GSE1: variants seen among roughly 807,000 people sequenced by gnomAD.
The protein encoded by GSE1 is genetic suppressor element 1.
A neutral mutation model predicts 112.6 loss-of-function variants in GSE1; 32 were observed. The observed-to-expected ratio is 0.28, with a 90% CI of 0.21 to 0.38. The LOEUF is 0.38. Ranked by LOEUF, GSE1 falls within the 10% of genes least tolerant of loss-of-function variation. GSE1 has a pLI of 1.00. For synonymous variants in GSE1, 1,115 were observed against 735.6 expected, an observed-to-expected ratio of 1.52 and a Z score of -8.35; for missense variants, 2,348 against 1,699.2, an observed-to-expected ratio of 1.38 and a Z score of -6.71.
chr16:85,367,077 C>A (rs910563092), intron 2 of GSE1, among the ~76,000 whole-genome samples: 1 of 152,236 alleles, frequency 6.6e-6, no homozygotes, highest in African/African-American at 2.4e-5. Flanking sequence ...CTCTGCTCAC[C>A]CACTGTTCTT....
chr16:85,336,227 G>A (rs768868889), intron 1 of GSE1, among the ~76,000 whole-genome samples: 9 of 152,254 alleles, frequency 5.9e-5, no homozygotes, highest in South Asian at 4.1e-4. Flanking sequence ...CCTGACATGC[G>A]CCACTCCAGC....
At chr16:85,177,017 T>C (rs2074481229) in intron 1 of GSE1, among the ~76,000 whole-genome samples, 1 of 152,196 alleles carries the variant, frequency 6.6e-6, no homozygotes, top group Non-Finnish European at 1.5e-5. Flanking sequence ...TGGCACCCTC[T>C]CCTTGGCAGC....
intron 2 of GSE1, among the ~76,000 whole-genome samples, chr16:85,503,364 C>G (rs1370737939): frequency 6.6e-6 from 1 of 152,214 alleles, no homozygotes; most frequent in African/African-American, 2.4e-5. Flanking sequence ...AACTCCCCAG[C>G]CTCCACCTGC....
At chr16:85,662,621 G>A (rs991775277) in intron 9 of GSE1, 3 of 219,384 alleles carry the variant, frequency 1.4e-5, no homozygotes, top group African/African-American at 2.3e-5. Flanking sequence ...GGACTCAGAT[G>A]GCCACAGCAT....
intron 2 of GSE1, among the ~76,000 whole-genome samples, chr16:85,389,425 A>T (rs905582122): frequency 7.2e-6 from 1 of 139,516 alleles, no homozygotes; most frequent in Non-Finnish European, 1.5e-5. Flanking sequence ...GCACCACTGC[A>T]CTCCAGCCTG....
intron 1 of GSE1, among the ~76,000 whole-genome samples, chr16:85,606,120 C>T (rs74031882): frequency 0.037 from 5,580 of 152,284 alleles, 385 homozygotes; most frequent in African/African-American, 0.13. Context: ...TGGCACAGCC[C>T]ACTCCAGCAG....
In GSE1 at chr16:85,568,308, C is replaced by T. The variant is rs543674865; in HGVS notation, c.37+11945C>T. Among the ~76,000 whole-genome samples the T allele has an allele frequency of 2.0e-5, 3 of 152,324 alleles. No homozygotes were observed. In the South Asian group the frequency reaches 6.2e-4, roughly 32 times the overall value. On this transcript the variant is annotated intron_variant, in intron 1 of 2. Coordinates refer to the GSE1 transcript ENST00000635906. ...CCCTGGTGGGGAGGCTGGTAGGCCT[C>T]CGGGGTGGGCCTCCACAGTCATGGC...
In GSE1 at chr16:85,672,475, G is replaced by T. The variant is rs776913297; in HGVS notation, c.3590G>T (p.Arg1197Leu). 6.2e-7 allele frequency: 1 copy of T among 1,611,776 alleles called. No homozygotes were observed. The highest frequency in any genetic ancestry group is 1.3e-5 in the African/African-American group (1 of 74,996). ...ERLQAELDHL[R>L]KCLALPAMHW... ...CTCCAGGCAGAACTGGACCACTTAC[G>T]AAAGTGCCTTGCCTTGCCTGCAATG... Residue 1197 changes from arginine (R) to leucine (L), a missense_variant, in exon 16 of 16, where the codon CGA (arginine) becomes CTA (leucine). Physicochemically the swap from Arg to Leu is moderately radical, Grantham distance 102 (BLOSUM62 -2). Transcript: ENST00000253458.
At chr16:85,476,397 A>G (rs1421504415) in intron 2 of GSE1, among the ~76,000 whole-genome samples, 1 of 152,208 alleles carries the variant, frequency 6.6e-6, no homozygotes, top group Non-Finnish European at 1.5e-5. Context: ...TAATCCCCCC[A>G]TACACGTGCA....
chr16:85,661,164 C>T lies in GSE1; in HGVS notation c.1659C>T (p.His553=), dbSNP rs750932568. The part of the protein sequence containing the change: ...ESTTRPGPNR[H]EPGGRDPPQH... ...TCCCTAGGCCAGGACCAAACCGTCA[C>T]GAGCCAGGTGGCCGTGACCCTCCGC... Residue 553 remains histidine, a synonymous_variant, in exon 9 of 16, where the codon CAC becomes CAT. Coordinates refer to ENST00000253458, the MANE Select transcript of GSE1 (RefSeq NM_014615.5). The T allele has an allele frequency of 1.5e-5, 24 of 1,590,378 alleles. No homozygotes were observed. Among genetic ancestry groups the T allele is most frequent in the Admixed American group, 5.1e-5 (3 of 59,134 alleles).
At chr16:85,622,909 C>G (rs1375822471) in intron 1 of GSE1, among the ~76,000 whole-genome samples, 2 of 152,144 alleles carry the variant, frequency 1.3e-5, no homozygotes, top group African/African-American at 4.8e-5. Flanking sequence ...TTGCTCAGAC[C>G]TGCATGTACT....
At chr16:85,563,850 G>T (rs1311841808) in intron 1 of GSE1, among the ~76,000 whole-genome samples, 2 of 152,248 alleles carry the variant, frequency 1.3e-5, no homozygotes, top group Non-Finnish European at 2.9e-5. Flanking sequence ...GCACGTGCAG[G>T]TCCTGCTCCT....
chr16:85,401,239 C>T (rs534776951), intron 2 of GSE1, among the ~76,000 whole-genome samples: 2 of 152,146 alleles, frequency 1.3e-5, no homozygotes, highest in Non-Finnish European at 2.9e-5. Context: ...ATTATTCTCC[C>T]TGATACGTTT....
chr16:85,349,153 G>A (rs58202924), intron 1 of GSE1, among the ~76,000 whole-genome samples: 3,320 of 152,222 alleles, frequency 0.022, 109 homozygotes, highest in African/African-American at 0.075. Context: ...GGTCGCCAGC[G>A]CACATTTAAT....
intron 2 of GSE1, among the ~76,000 whole-genome samples, chr16:85,636,410 A>G (rs1285473325): frequency 1.3e-5 from 2 of 152,072 alleles, no homozygotes; most frequent in Non-Finnish European, 2.9e-5. Flanking sequence ...ACCCGTTTTG[A>G]TGAATCTCCA....
chr16:85,222,291 A>G (rs2075407722), intron 1 of GSE1, among the ~76,000 whole-genome samples: 1 of 152,200 alleles, frequency 6.6e-6, no homozygotes, highest in Non-Finnish European at 1.5e-5. Flanking sequence ...ATGGGAGCCC[A>G]GGTCCCGGGC....
chr16:85,341,140 A>G (rs2046615655), intron 1 of GSE1, among the ~76,000 whole-genome samples: 1 of 152,152 alleles, frequency 6.6e-6, no homozygotes. Flanking sequence ...AAGTCAATTC[A>G]TCACTGCATG....
At chr16:85,386,845 G>C (rs1463476235) in intron 2 of GSE1, among the ~76,000 whole-genome samples, 1 of 152,190 alleles carries the variant, frequency 6.6e-6, no homozygotes, top group South Asian at 2.1e-4. Context: ...GGGTGCTGGA[G>C]GGGAGGGAAG....
At chr16:85,655,203 C>T (rs983989460) in intron 5 of GSE1, among the ~76,000 whole-genome samples, 1 of 152,190 alleles carries the variant, frequency 6.6e-6, no homozygotes, top group African/African-American at 2.4e-5. Context: ...CCCTTGGTGA[C>T]TGTACTGTCA....
Sources: allele counts gnomAD v4.1 joint callset (sites outside exome capture counted in the v4.1 genomes callset), GRCh38; gene constraint gnomAD v4.1.1; transcripts MANE v1.5; gene names NCBI Gene and HGNC (gene_info 2026-07-23, HGNC 2026-07-21).